NOTCH3: variants seen among roughly 807,000 people sequenced by gnomAD.
The protein encoded by NOTCH3 is neurogenic locus notch homolog protein 3.
Under a neutral mutation model 213.3 loss-of-function variants are expected in NOTCH3, and 86 were observed. The ratio of observed to expected loss-of-function variants is 0.40; its 90% CI spans 0.34 to 0.48. The LOEUF (loss-of-function observed/expected upper bound fraction) is 0.48. Ranked by LOEUF, NOTCH3 falls within the 20% of genes least tolerant of loss-of-function variation. The pLI, the probability that NOTCH3 is intolerant of heterozygous loss-of-function variation, is 0.57. For synonymous variants in NOTCH3, 1,354 were observed against 1,355.9 expected, an observed-to-expected ratio of 1.00 and a Z score of 0.03; for missense variants, 2,783 against 3,272.6, an observed-to-expected ratio of 0.85 and a Z score of 3.65.
At chr19:15,171,773 T>C (rs1238914696) in intron 25 of NOTCH3, among the ~76,000 whole-genome samples, 4 of 152,152 alleles carry the variant, frequency 2.6e-5, no homozygotes, top group Non-Finnish European at 4.4e-5. Context: ...CTGGTTCAAG[T>C]GATTCTCTGC....
chr19:15,171,677 GTT>G (rs1252799655), intron 25 of NOTCH3, among the ~76,000 whole-genome samples: 1 of 152,122 alleles, frequency 6.6e-6, no homozygotes, highest in Non-Finnish European at 1.5e-5. Flanking sequence ...GACATTGTTT[GTT>G]TTTTGTTTTT....
chr19:15,177,617 G>A lies in NOTCH3; in HGVS notation c.4311C>T (p.Phe1437=). 1 of 1,590,128 alleles carries A rather than the reference G, an allele frequency of 6.3e-7. No individual in the cohort carries two copies. The highest frequency in any genetic ancestry group is 8.5e-7 in the Non-Finnish European group (1 of 1,171,196). The part of the protein sequence containing the change: ...QCEALQCWRL[F]NNSRCDPACS... ...AGGCGGGGTCGCAGCGGCTGTTGTT[G>A]AAGAGGCGCCAGCACTGCAGCGCCT... Residue 1437 remains phenylalanine, a synonymous_variant, in exon 24 of 33, where the codon TTC becomes TTT. Coordinates refer to ENST00000263388, the MANE Select transcript of NOTCH3 (RefSeq NM_000435.3).
chr19:15,169,497 G>A (rs1278949884), intron 28 of NOTCH3, among the ~76,000 whole-genome samples: 4 of 151,894 alleles, frequency 2.6e-5, no homozygotes, highest in African/African-American at 9.7e-5. Flanking sequence ...AGCCTCCCAA[G>A]TAGCTGGGAT....
At position 15,170,445 on chromosome 19, in the gene NOTCH3, C is replaced by T. The variant is rs752437137; in HGVS notation, c.5000G>A (p.Arg1667His). Reference protein sequence around the residue: ...ILVLGVMVARRKREHSTLWFP... With the variant: ...ILVLGVMVARHKREHSTLWFP... ...CCAGAGGGTGCTGTGCTCGCGCTTG[C>T]GCCGGGCCACCATGACACCCAGGAC... Residue 1667 changes from arginine (R) to histidine (H), a missense_variant, in exon 27 of 33, where the codon CGC (arginine) becomes CAC (histidine). This residue lies in a region of NOTCH3 where 636 missense variants were observed against 801.8 expected (regional missense o/e 0.79). Coordinates refer to ENST00000263388, the MANE Select transcript of NOTCH3 (RefSeq NM_000435.3). 8.7e-6 allele frequency: 14 copies of T among 1,610,804 alleles called. No homozygotes were observed. Among genetic ancestry groups the T allele is most frequent in the Non-Finnish European group, 1.2e-5 (14 of 1,179,998 alleles).
intron 12 of NOTCH3, among the ~76,000 whole-genome samples, chr19:15,186,375 TTGTATGTGTG>T (rs71168597): frequency 0.2 from 24,843 of 123,170 alleles, 2,258 homozygotes; most frequent in African/African-American, 0.29. Context: ...TTGTTTGTTT[TTGTATGTGTG>T]TGTGTGTGTG....
chr19:15,180,230 C>CCTGACACAGCTGCTCCA lies in NOTCH3; in HGVS notation c.3152_3168dup (p.Ala1057TrpfsTer221). ...TCTTCATCCACACACTGCCCACCCG[C>CCTGACACAGCTGCTCCA]CTGACACAGCTGCTCCAGCCGCACC... is the stretch of plus-strand genomic sequence containing the variant. On this transcript the variant is annotated frameshift_variant, in exon 20 of 33. Transcript: ENST00000263388. LOFTEE classifies it high-confidence loss of function. 6.2e-7 allele frequency: 1 copy of CCTGACACAGCTGCTCCA among 1,613,780 alleles called. No homozygotes were observed. The highest frequency in any genetic ancestry group is 8.5e-7 in the Non-Finnish European group (1 of 1,180,008).
At chr19:15,194,850 C>T (rs2046956793) in intron 2 of NOTCH3, among the ~76,000 whole-genome samples, 1 of 151,054 alleles carries the variant, frequency 6.6e-6, no homozygotes, top group Non-Finnish European at 1.5e-5. Context: ...CCAGCTACTC[C>T]GGAGGCTGAG....
chr19:15,180,390 A>T, intron 19 of NOTCH3, 134 bp from the exon 20 acceptor site: 1 of 1,023,478 alleles, frequency 9.8e-7, no homozygotes, highest in Non-Finnish European at 1.5e-6. Context: ...AGGTTGTCAC[A>T]CATCCCCCCA....
intron 24 of NOTCH3, 68 bp from the exon 25 acceptor site, chr19:15,174,468 A>C: frequency 2.6e-6 from 3 of 1,142,486 alleles, no homozygotes; most frequent in Non-Finnish European, 3.7e-6. Flanking sequence ...CCTTCCATGC[A>C]TTCACACCGT....
At chr19:15,162,043 G>A (rs561788990) in intron 32 of NOTCH3, among the ~76,000 whole-genome samples, 3 of 146,744 alleles carry the variant, frequency 2.0e-5, no homozygotes, top group Admixed American at 6.9e-5. Context: ...GTGCAGTGGC[G>A]CCATTTCAGT....
chr19:15,185,825 C>A lies in NOTCH3; in HGVS notation c.1952-146G>T. 1 of 775,246 alleles carries A rather than the reference C, an allele frequency of 1.3e-6. No individual in the cohort carries two copies. 48.0% of individuals were successfully genotyped at this position (775,246 alleles called of 1,614,324 possible). Reference sequence around the variant, plus strand: ...ATCAGCTCTTGTGCAGATTAGGACACCCGCCTCCTCAACCAAGAGCTGACT... The same window carrying A: ...ATCAGCTCTTGTGCAGATTAGGACAACCGCCTCCTCAACCAAGAGCTGACT... On this transcript the variant is annotated intron_variant, in intron 12 of 32. Transcript: ENST00000263388. The surrounding 1 kb of genome is among the most constrained non-coding windows in gnomAD (Gnocchi z 4.2).
intron 1 of NOTCH3, 79 bp from the exon 2 acceptor site, chr19:15,197,657 C>A: frequency 7.7e-7 from 1 of 1,300,178 alleles, no homozygotes; most frequent in Admixed American, 1.9e-5. Flanking sequence ...CCCCTCCCTC[C>A]CTCCACCAGG....
rs770452743 is a variant in NOTCH3, at chr19:15,192,064, G to A, written c.575C>T (p.Pro192Leu). Residue 192 changes from proline (P) to leucine (L), a missense_variant, in exon 4 of 33, where the codon CCA becomes CTA. Pro to Leu is a moderately conservative substitution (Grantham distance 98). Around this residue, in one of 6 missense-constraint regions of NOTCH3, gnomAD observed 708 missense variants for 906.6 expected, o/e 0.78. Transcript: ENST00000263388. Reference protein sequence around the residue: ...RCQCPAGYTGPLCENPAVPCA... With the variant: ...RCQCPAGYTGLLCENPAVPCA... ...GGGCACCGCGGGGTTCTCACATAGT[G>A]GCCCTGTGTAGCCAGCTGGACACTG... The A allele has an allele frequency of 6.2e-7, 1 of 1,613,056 alleles. No homozygotes were observed.
chr19:15,162,769 GTGTT>G (rs5827278), intron 31 of NOTCH3, among the ~76,000 whole-genome samples: 274 of 5,412 alleles, frequency 0.051, no homozygotes, highest in African/African-American at 0.088. Context: ...CTGTGTGTGT[GTGTT>G]TGTGTGTGTG....
chr19:15,165,906 C>A lies in NOTCH3; in HGVS notation c.5548G>T (p.Ala1850Ser), dbSNP rs756939819. The A allele has an allele frequency of 1.9e-6, 3 of 1,614,146 alleles. No homozygotes were observed. Among genetic ancestry groups the A allele is most frequent in the South Asian group, 2.2e-5 (2 of 91,082 alleles). Residue 1850 changes from alanine to serine, a missense_variant, in exon 30 of 33, where the codon GCC becomes TCC. By Grantham distance (99) the Ala-to-Ser change is moderately conservative (BLOSUM62 1). Transcript: ENST00000263388. The surrounding 1 kb of genome is among the most constrained non-coding windows in gnomAD (Gnocchi z 4.7). Reference sequence around the variant, plus strand: ...AGCCGCTTGGCTGCATCAGCACGGGCATAACGGGCAGCCAGGTGCAAAGCA... The same window carrying A: ...AGCCGCTTGGCTGCATCAGCACGGGAATAACGGGCAGCCAGGTGCAAAGCA... ...ETALHLAARY[A>S]RADAAKRLLD...
At position 15,177,872 on chromosome 19, in the gene NOTCH3, G is replaced by C; in HGVS notation, c.4056C>G (p.Pro1352=). The C allele has an allele frequency of 8.1e-7, 1 of 1,230,050 alleles. No individual in the cohort carries two copies. Among genetic ancestry groups the C allele is most frequent in the Non-Finnish European group, 1.0e-6 (1 of 987,846 alleles). The allele number at this position is 1,230,050 out of a possible 1,614,324, so 76.2% of individuals were successfully genotyped here. A position where few individuals can be genotyped will look rare whatever the true frequency, so the allele number is the denominator to read the frequency against. ...APCLHGGSCR[P]APLAPFFRCA... ...AGCGGAAGAAGGGCGCGAGCGGCGCGGGGCGGCAGGAGCCCCCGTGGAGAC... is the reference window on the plus strand; with the variant it reads ...AGCGGAAGAAGGGCGCGAGCGGCGCCGGGCGGCAGGAGCCCCCGTGGAGAC... The change falls in exon 24 of 33, where the codon CCC becomes CCG. Residue 1352 remains proline, a synonymous_variant. Transcript: ENST00000263388.
intron 10 of NOTCH3, among the ~76,000 whole-genome samples, 181 bp from the exon 11 acceptor site, chr19:15,187,519 T>A (rs932869195): frequency 2.8e-5 from 3 of 108,096 alleles, no homozygotes; most frequent in African/African-American, 7.3e-5. Flanking sequence ...CACTACAAGC[T>A]CCAGAATTTG....
chr19:15,185,435 G>A lies in NOTCH3; in HGVS notation c.2145-27C>T. The A allele has an allele frequency of 1.9e-6, 3 of 1,612,090 alleles. No individual in the cohort carries two copies. Among genetic ancestry groups the A allele is most frequent in the Non-Finnish European group, 2.5e-6 (3 of 1,179,118 alleles). The stretch of plus-strand genomic sequence containing the variant: ...TGGCAGGGGAAGGTAGTCAGGCCAG[G>A]GAGGTGGGCCAGGGAGAGGGGGCAG... On this transcript the variant is annotated intron_variant, in intron 13 of 32. Coordinates refer to ENST00000263388, the MANE Select transcript of NOTCH3 (RefSeq NM_000435.3). This position sits in a 1 kb window ranked among gnomAD's most constrained non-coding sequence, Gnocchi z 4.2.
intron 2 of NOTCH3, among the ~76,000 whole-genome samples, chr19:15,194,976 G>A (rs59408995): frequency 6.9e-6 from 1 of 145,018 alleles, no homozygotes; most frequent in Non-Finnish European, 1.5e-5. Context: ...AAAAAAAAAG[G>A]AAAAGGAAAA....
Sources: gnomAD v4.1 joint callset for allele counts (sites outside exome capture counted in the v4.1 genomes callset) on GRCh38, gnomAD v4.1.1 for gene constraint, gnomAD v4.1.1 regional missense constraint, Gnocchi (gnomAD v3.1) non-coding constraint, MANE v1.5 for transcripts, NCBI Gene and HGNC (gene_info 2026-07-23, HGNC 2026-07-21) for gene names.